HSPA12A: variants seen among roughly 807,000 people sequenced by gnomAD.
HSPA12A encodes the protein heat shock protein family A (Hsp70) member 12A, also known as heat shock 70 kDa protein 12A.
A neutral mutation model predicts 69.2 loss-of-function variants in HSPA12A; 28 were observed. That is an observed-to-expected ratio of 0.40 (90% confidence interval 0.30 to 0.55). HSPA12A has a LOEUF of 0.55. HSPA12A is among the 20% of genes least tolerant of loss of function. HSPA12A has a pLI of 0.38. For synonymous variants in HSPA12A, 345 were observed against 370.5 expected (o/e 0.93, Z 0.79); for missense variants, 686 against 900.7 (o/e 0.76, Z 3.05).
chr10:116,698,918 C>G (rs561788571), intron 4 of HSPA12A, among the ~76,000 whole-genome samples, 179 bp from the exon 5 acceptor site: 1 of 152,268 alleles, frequency 6.6e-6, no homozygotes, highest in South Asian at 2.1e-4. Context: ...GCAGCAGTGT[C>G]CCCTTACTGT....
At chr10:116,688,669 T>C (rs1368380217) in intron 6 of HSPA12A, among the ~76,000 whole-genome samples, 1 of 152,222 alleles carries the variant, frequency 6.6e-6, no homozygotes, top group Admixed American at 6.5e-5. Flanking sequence ...TGCTGTTTTG[T>C]TTTCCTGATG....
intron 2 of HSPA12A, among the ~76,000 whole-genome samples, chr10:116,824,608 T>C (rs1845466470): frequency 6.6e-6 from 1 of 152,222 alleles, no homozygotes; most frequent in South Asian, 2.1e-4. Flanking sequence ...GGCTCACGCC[T>C]GTAATCCCAC....
chr10:116,849,842 C>T, upstream of HSPA12A: 3 of 1,268,534 alleles, frequency 2.4e-6, no homozygotes, highest in Admixed American at 2.4e-5. Flanking sequence ...ATGCCAGCCG[C>T]CCGGGCCCTG....
intron 2 of HSPA12A, among the ~76,000 whole-genome samples, chr10:116,790,145 A>C (rs1309681382): frequency 8.5e-6 from 1 of 117,788 alleles, no homozygotes; most frequent in Non-Finnish European, 1.6e-5. Flanking sequence ...TCTGTCGCCC[A>C]GGCCGGACTG....
chr10:116,818,114 G>A (rs1474052691), intron 2 of HSPA12A, among the ~76,000 whole-genome samples: 1 of 152,168 alleles, frequency 6.6e-6, no homozygotes, highest in Non-Finnish European at 1.5e-5. Context: ...CTGCCAGTAG[G>A]GGCCTCTCCA....
chr10:116,810,850 AT>A (rs891766684), intron 2 of HSPA12A, among the ~76,000 whole-genome samples: 1 of 152,170 alleles, frequency 6.6e-6, no homozygotes, highest in African/African-American at 2.4e-5. Flanking sequence ...ACCCACGGTA[AT>A]TTAGCCAAGG....
At chr10:116,756,574 TCA>T (rs782023043) in intron 2 of HSPA12A, among the ~76,000 whole-genome samples, 4 of 152,216 alleles carry the variant, frequency 2.6e-5, no homozygotes, top group Non-Finnish European at 5.9e-5. Flanking sequence ...TGGGTGGGGC[TCA>T]CTCTACCCCC....
intron 2 of HSPA12A, among the ~76,000 whole-genome samples, chr10:116,787,404 A>G (rs1284800812): frequency 6.9e-6 from 1 of 144,606 alleles, no homozygotes; most frequent in African/African-American, 2.5e-5. Context: ...CAAATCAAGC[A>G]TGTCACATCC....
At chr10:116,810,376 C>A (rs1461158217) in intron 2 of HSPA12A, among the ~76,000 whole-genome samples, 1 of 152,268 alleles carries the variant, frequency 6.6e-6, no homozygotes, top group South Asian at 2.1e-4. Context: ...CCATTGTAAA[C>A]CCCATCAGTA....
At chr10:116,709,446 C>CA (rs543929917) in intron 1 of HSPA12A, among the ~76,000 whole-genome samples, 11,944 of 68,864 alleles carry the variant, frequency 0.17, 759 homozygotes, top group East Asian at 0.44. Context: ...GACTCCATCT[C>CA]AAAAAAAAAA....
intron 1 of HSPA12A, among the ~76,000 whole-genome samples, chr10:116,728,487 C>T (rs1851048554): frequency 6.6e-6 from 1 of 152,128 alleles, no homozygotes; most frequent in African/African-American, 2.4e-5. Flanking sequence ...TAGCTTCGTG[C>T]AAACCTGGTA....
At chr10:116,676,062 T>G (rs1240791914) in intron 11 of HSPA12A, among the ~76,000 whole-genome samples, 2 of 152,250 alleles carry the variant, frequency 1.3e-5, no homozygotes, top group Non-Finnish European at 2.9e-5. Context: ...CCTCAGAGCT[T>G]CCAGCTCTCT....
intron 1 of HSPA12A, among the ~76,000 whole-genome samples, chr10:116,733,447 G>A (rs1373021356): frequency 3.9e-5 from 6 of 152,136 alleles, no homozygotes; most frequent in African/African-American, 1.4e-4. Flanking sequence ...ATAAGATCAC[G>A]AGGTCTGATT....
In HSPA12A at chr10:116,792,835, G is replaced by GA. The variant is rs1329359986; in HGVS notation, c.91+42099dup. On this transcript the variant is annotated intron_variant, in intron 2 of 12. Transcript: ENST00000635765. Reference sequence around the variant, plus strand: ...AGAAAAAGAAAGAAAGAAAGAAAAAGAAAAGAGAAAAGAAAAGAAAAAGAA... The same window carrying GA: ...AGAAAAAGAAAGAAAGAAAGAAAAAGAAAAAGAGAAAAGAAAAGAAAAAGAA... Among the ~76,000 whole-genome samples the GA allele has an allele frequency of 5.3e-5, 8 of 151,458 alleles. No homozygotes were observed. In the East Asian group the frequency reaches 1.4e-3, roughly 26 times the overall value.
chr10:116,734,467 A>G (rs1851251196), intron 1 of HSPA12A, among the ~76,000 whole-genome samples: 1 of 143,814 alleles, frequency 7.0e-6, no homozygotes, highest in Admixed American at 7.0e-5. Context: ...AAAAAAAAAA[A>G]GCAAAACCCA....
intron 1 of HSPA12A, among the ~76,000 whole-genome samples, chr10:116,725,690 C>T (rs758367): frequency 0.59 from 89,355 of 151,766 alleles, 26,730 homozygotes; most frequent in South Asian, 0.71. Flanking sequence ...GACACAAAAC[C>T]CAGAACTACT....
At chr10:116,849,751 G>A (rs775298055), upstream of HSPA12A, 1 of 1,488,072 alleles carries the variant, frequency 6.7e-7, no homozygotes, top group South Asian at 1.3e-5. Context: ...TGGGACAAGC[G>A]CTCTCCTCCC....
chr10:116,812,345 C>T (rs1423510788), intron 2 of HSPA12A, among the ~76,000 whole-genome samples: 1 of 151,892 alleles, frequency 6.6e-6, no homozygotes, highest in Non-Finnish European at 1.5e-5. Flanking sequence ...CCCAGCTACT[C>T]AGGAGGCTGA....
At chr10:116,835,355 G>A (rs1845690988) in intron 1 of HSPA12A, 1 of 154,194 alleles carries the variant, frequency 6.5e-6, no homozygotes, top group South Asian at 2.1e-4. Context: ...AGGAGTCGTG[G>A]AGAAACAAGA....
Sources: allele counts gnomAD v4.1 joint callset (sites outside exome capture counted in the v4.1 genomes callset), GRCh38; gene constraint gnomAD v4.1.1; transcripts MANE v1.5; gene names NCBI Gene and HGNC (gene_info 2026-07-23, HGNC 2026-07-21).